Variants in PWP1 observed in about 807,000 individuals in gnomAD.
The protein encoded by PWP1 is PWP1 homolog, endonuclein.
PWP1 carries 47 observed loss-of-function variants against 69.9 expected under a neutral mutation model. The ratio of observed to expected loss-of-function variants is 0.67; its 90% CI spans 0.53 to 0.86. PWP1 has a LOEUF of 0.86. Ranked by LOEUF, PWP1 falls within the 40% of genes least tolerant of loss-of-function variation. PWP1 has a pLI of 0.00. For synonymous variants in PWP1, 222 were observed against 208.2 expected (o/e 1.07, Z -0.57); for missense variants, 551 against 608.8 (o/e 0.91, Z 1.00).
chr12:107,710,603 G>A (rs1889932831), intron 14 of PWP1, 93 bp downstream of exon 14: 1 of 1,419,012 alleles, frequency 7.0e-7, no homozygotes, highest in Non-Finnish European at 9.3e-7. Flanking sequence ...GCCCAGGCTG[G>A]TCTCAAACTC....
chr12:107,703,018 T>C lies in PWP1; in HGVS notation c.890T>C (p.Val297Ala). The change falls in exon 9 of 15, where the codon GTA becomes GCA. Residue 297 changes from valine (V) to alanine (A), a missense_variant. By Grantham distance (64) the Val-to-Ala change is moderately conservative (BLOSUM62 0). Coordinates refer to ENST00000412830, the MANE Select transcript of PWP1 (RefSeq NM_007062.3). ...GGGAAACCAGCAGCTAGCCTCGCTG[T>C]ACACACAGACAAGGTATGGTGATTT... ...SLGKPAASLA[V>A]HTDKVQTLQF... is the part of the protein sequence containing the mutation. 6.2e-7 allele frequency: 1 copy of C among 1,600,954 alleles called. No homozygotes were observed.
rs185373719 is a variant in PWP1, at chr12:107,711,217, C to T, written c.1396+707C>T. On this transcript the variant is annotated intron_variant, in intron 14 of 14. Coordinates refer to ENST00000412830, the MANE Select transcript of PWP1 (RefSeq NM_007062.3). ...AGGAACATGCCCTTAAGACACAGAT[C>T]GAGATCGCTCATGCTATTGTTTGTG... is the stretch of plus-strand genomic sequence containing the variant. 2.3e-4 allele frequency among the ~76,000 whole-genome samples: 35 copies of T among 152,308 alleles called. No individual in the cohort carries two copies. The East Asian group carries it at 6.4e-3, about 28-fold the overall frequency.
chr12:107,691,540 C>A (rs1419217604), intron 3 of PWP1, among the ~76,000 whole-genome samples: 2 of 152,072 alleles, frequency 1.3e-5, no homozygotes, highest in African/African-American at 4.8e-5. Flanking sequence ...AGGCCAGAAG[C>A]AATGAGGGCC....
chr12:107,697,841 A>G (rs1329985711), intron 7 of PWP1: 1 of 536,616 alleles, frequency 1.9e-6, no homozygotes, highest in South Asian at 1.5e-5. Context: ...AAGCTAGTAT[A>G]TTAATATGAA....
chr12:107,688,813 CCACTTCTGATGGTTTGTAATT>C lies in PWP1; in HGVS notation c.319+12_319+32del. 1 of 1,610,260 alleles carries C rather than the reference CCACTTCTGATGGTTTGTAATT, an allele frequency of 6.2e-7. No individual in the cohort carries two copies. Among genetic ancestry groups the C allele is most frequent in the Non-Finnish European group, 8.5e-7 (1 of 1,177,766 alleles). On this transcript the variant is annotated intron_variant, in intron 3 of 14. Coordinates refer to ENST00000412830, the MANE Select transcript of PWP1 (RefSeq NM_007062.3). ...AGGAAGGTGACCCAGGTTAGTTTAT[CCACTTCTGATGGTTTGTAATT>C]ACAAGCTCAATATGTTGGATCATGT...
At chr12:107,687,094 G>C (rs982093548) in intron 1 of PWP1, among the ~76,000 whole-genome samples, 1 of 151,452 alleles carries the variant, frequency 6.6e-6, no homozygotes, top group Non-Finnish European at 1.5e-5. Context: ...GGGTTGATTT[G>C]AATGTACTTG....
At chr12:107,697,091 ACACC>A (rs1219892202) in intron 6 of PWP1, among the ~76,000 whole-genome samples, 1 of 152,178 alleles carries the variant, frequency 6.6e-6, no homozygotes, top group Non-Finnish European at 1.5e-5. Context: ...TCTTGTTTGC[ACACC>A]TTGTTCACAT....
rs145064281 is a variant in PWP1 at position 107,709,806 on chromosome 12, T to C, written c.1290+574T>C. Among the ~76,000 whole-genome samples the C allele has an allele frequency of 6.3e-3, 952 of 152,036 alleles. 9 individuals are homozygous for C. The highest frequency in any genetic ancestry group is 0.021 in the African/African-American group (888 of 41,386). ...TTGTGTATGAATAAATATATATAAA[T>C]ATAATGGAAAAACAGGTTACAGAAG... On this transcript the variant is annotated intron_variant, in intron 13 of 14. Transcript: ENST00000412830.
rs536044140 is a variant in PWP1, at chr12:107,686,064, C to T, written c.72+93C>T. The T allele has an allele frequency of 8.7e-5, 122 of 1,409,128 alleles. No homozygotes were observed. The East Asian group carries it at 2.6e-3, about 30-fold the overall frequency. The allele number at this position is 1,409,128 out of a possible 1,614,324, so 87.3% of individuals were successfully genotyped here. A position where few individuals can be genotyped will look rare whatever the true frequency, so the allele number is the denominator to read the frequency against. ...GGGAACGTGGACCCGGAACTCGGGG[C>T]GTTGGCTGGTGCGACTGGCTGGGGT... On this transcript the variant is annotated intron_variant, in intron 1 of 14. Coordinates refer to ENST00000412830, the MANE Select transcript of PWP1 (RefSeq NM_007062.3).
intron 3 of PWP1, 150 bp downstream of exon 3, chr12:107,688,952 TA>T (rs1889429236): frequency 2.5e-6 from 2 of 784,886 alleles, no homozygotes; most frequent in Non-Finnish European, 4.0e-6. Flanking sequence ...GCATGATTCC[TA>T]AACTAGTTTA....
rs377626641 is a variant in PWP1, at chr12:107,711,985, C to T, written c.1397-126C>T. On this transcript the variant is annotated intron_variant, in intron 14 of 14. Transcript: ENST00000412830. ...TCATTCAGAACATTAACTTGGACTT[C>T]TGAGTTGGTTACTCACTTTACCATT... The T allele has an allele frequency of 2.5e-4, 171 of 672,160 alleles. 2 individuals carry two copies. In the South Asian group the frequency reaches 3.2e-3, roughly 13 times the overall value. The allele number at this position is 672,160 out of a possible 1,614,324, so 41.6% of individuals were successfully genotyped here. A position where few individuals can be genotyped will look rare whatever the true frequency, so the allele number is the denominator to read the frequency against.
chr12:107,710,011 G>A (rs190363687), intron 13 of PWP1, among the ~76,000 whole-genome samples: 3 of 152,152 alleles, frequency 2.0e-5, no homozygotes, highest in East Asian at 3.9e-4. Context: ...TAATAAAAAT[G>A]TAAAAAAGAA....
chr12:107,702,374 G>A (rs1185367821), intron 8 of PWP1, among the ~76,000 whole-genome samples: 6 of 152,000 alleles, frequency 3.9e-5, no homozygotes, highest in African/African-American at 1.4e-4. Context: ...TCCGCTTTTT[G>A]GGTTCAAGCT....
Position 107,685,873 on chromosome 12 carries a change from G to C in PWP1, c.-27G>C. 6.2e-7 allele frequency: 1 copy of C among 1,613,228 alleles called. No individual in the cohort carries two copies. The highest frequency in any genetic ancestry group is 2.2e-5 in the East Asian group (1 of 44,868). ...CCCTCCCTATGCAGCCTGGTTTCTAGCGTGACACGCCCTTGACTTGAGGAC... is the reference window on the plus strand; with the variant it reads ...CCCTCCCTATGCAGCCTGGTTTCTACCGTGACACGCCCTTGACTTGAGGAC... On this transcript the variant is annotated 5_prime_UTR_variant, in exon 1 of 15. The change abolishes the stop of an existing upstream ORF in the 5' untranslated region. Coordinates refer to ENST00000412830, the MANE Select transcript of PWP1 (RefSeq NM_007062.3).
At chr12:107,703,661 T>C in intron 9 of PWP1, 24 bp from the exon 10 acceptor site, 1 of 1,574,444 alleles carries the variant, frequency 6.4e-7, no homozygotes, top group Non-Finnish European at 8.7e-7. Flanking sequence ...CAGAGATCTC[T>C]GCATTTATGT....
intron 5 of PWP1, among the ~76,000 whole-genome samples, chr12:107,696,071 C>T (rs1457293233): frequency 1.6e-5 from 2 of 124,982 alleles, no homozygotes; most frequent in East Asian, 2.5e-4. Flanking sequence ...CTCACTATGT[C>T]GCCCAGGCTG....
At chr12:107,689,681 G>A (rs909890068) in intron 3 of PWP1, among the ~76,000 whole-genome samples, 12 of 152,296 alleles carry the variant, frequency 7.9e-5, no homozygotes, top group Middle Eastern at 3.4e-3. Flanking sequence ...GGGAGGCGGA[G>A]GTTGCAGTGA....
chr12:107,692,692 G>C, intron 3 of PWP1, 122 bp from the exon 4 acceptor site: 1 of 826,092 alleles, frequency 1.2e-6, no homozygotes, highest in Non-Finnish European at 1.9e-6. Context: ...CCCAACTCTA[G>C]ATGATCCAGA....
At chr12:107,708,474 C>T (rs1378076089) in intron 11 of PWP1, among the ~76,000 whole-genome samples, 1 of 152,156 alleles carries the variant, frequency 6.6e-6, no homozygotes, top group African/African-American at 2.4e-5. Flanking sequence ...ATCTGCCTTT[C>T]ATTCCTAAGT....
Sources: gnomAD v4.1 joint callset for allele counts (sites outside exome capture counted in the v4.1 genomes callset) on GRCh38, gnomAD v4.1.1 for gene constraint, MANE v1.5 for transcripts, NCBI Gene and HGNC (gene_info 2026-07-23, HGNC 2026-07-21) for gene names.